ASB3: variants seen among roughly 807,000 people sequenced by gnomAD.
ASB3 encodes the protein ankyrin repeat and SOCS box containing 3, also known as ankyrin repeat and SOCS box protein 3.
A neutral mutation model predicts 54.5 loss-of-function variants in ASB3; 41 were observed. The ratio of observed to expected loss-of-function variants is 0.75; its 90% CI spans 0.59 to 0.98. The LOEUF is 0.98. ASB3 is among the 50% of genes least tolerant of loss of function. The pLI is 0.00. For synonymous variants in ASB3, 266 were observed against 221.2 expected, an observed-to-expected ratio of 1.20 and a Z score of -1.80; for missense variants, 733 against 620.0, an observed-to-expected ratio of 1.18 and a Z score of -1.94.
chr2:53,729,048 T>C (rs796920655), intron 4 of ASB3, among the ~76,000 whole-genome samples: 1 of 152,066 alleles, frequency 6.6e-6, no homozygotes, highest in East Asian at 1.9e-4. Context: ...GTTAACCCAA[T>C]AAATGTAAAC....
chr2:53,762,848 A>T (rs1179592920), intron 2 of ASB3, among the ~76,000 whole-genome samples: 1 of 152,242 alleles, frequency 6.6e-6, no homozygotes, highest in Non-Finnish European at 1.5e-5. Flanking sequence ...CTTCTATGTA[A>T]TCTACACCAC....
intron 3 of ASB3, among the ~76,000 whole-genome samples, chr2:53,744,057 A>G (rs1381427985): frequency 6.6e-6 from 1 of 151,232 alleles, no homozygotes; most frequent in Admixed American, 6.6e-5. Context: ...AAAAAAAAAA[A>G]AGTAATTAAA....
chr2:53,727,898 G>A (rs1022808999), intron 5 of ASB3, among the ~76,000 whole-genome samples: 1 of 152,026 alleles, frequency 6.6e-6, no homozygotes, highest in Non-Finnish European at 1.5e-5. Context: ...GCTAATTTTT[G>A]TATTTTCAGT....
intron 5 of ASB3, among the ~76,000 whole-genome samples, chr2:53,724,101 ATC>A (rs1670858866): frequency 6.6e-6 from 1 of 152,222 alleles, no homozygotes; most frequent in African/African-American, 2.4e-5. Context: ...GACCTAATTA[ATC>A]TCTTTAGATT....
intron 8 of ASB3, among the ~76,000 whole-genome samples, chr2:53,696,232 T>A (rs915389838): frequency 6.6e-6 from 1 of 152,240 alleles, no homozygotes; most frequent in Non-Finnish European, 1.5e-5. Context: ...GTAATTGGCA[T>A]TCTGCATTCA....
At chr2:53,726,830 C>G (rs7573991) in intron 5 of ASB3, among the ~76,000 whole-genome samples, 81,654 of 151,618 alleles carry the variant, frequency 0.54, 22,263 homozygotes, top group East Asian at 0.62. Flanking sequence ...CCCAGTAGCT[C>G]GGACAGGTGC....
At position 53,693,884 on chromosome 2, in the gene ASB3, C is replaced by G. The variant is rs746029484; in HGVS notation, c.1369G>C (p.Ala457Pro). The G allele has an allele frequency of 2.5e-6, 4 of 1,612,086 alleles. No homozygotes were observed. The South Asian group carries it at 4.4e-5, about 18-fold the overall frequency. ...GTGTTTAAAAGTTATTCTTTCTTAC[C>G]AATATGTTGCTGTAGAATCCAAGCG... The part of the protein sequence containing the change: ...SNAWILQQHI[A>P]TVPSLTHLCR... Residue 457 changes from alanine to proline, a missense_variant and splice_region_variant, in exon 9 of 10, where the codon GCC becomes CCC. Transcript: ENST00000263634.
chr2:53,707,986 GAAAGA>G (rs1339297561), intron 7 of ASB3, among the ~76,000 whole-genome samples: 11 of 149,736 alleles, frequency 7.3e-5, no homozygotes, highest in African/African-American at 2.7e-4. Flanking sequence ...AAGAAAGAAA[GAAAGA>G]AAAGAAAAGA....
At chr2:53,738,499 G>A (rs1425931913) in intron 3 of ASB3, among the ~76,000 whole-genome samples, 2 of 152,132 alleles carry the variant, frequency 1.3e-5, no homozygotes, top group Non-Finnish European at 2.9e-5. Context: ...CAAACTTCAA[G>A]TGTTCAAGAG....
chr2:53,786,702 G>C (rs574369743), intron 1 of ASB3, 119 bp downstream of exon 1: 1 of 154,616 alleles, frequency 6.5e-6, no homozygotes, highest in African/African-American at 2.4e-5. Flanking sequence ...ACCCGCACCC[G>C]CACGGTTCAC....
chr2:53,773,475 G>A (rs931339119), intron 1 of ASB3, among the ~76,000 whole-genome samples: 3 of 151,970 alleles, frequency 2.0e-5, no homozygotes, highest in African/African-American at 4.8e-5. Flanking sequence ...CTATAACCCA[G>A]GCTTGAGTTC....
chr2:53,680,677 G>C (rs1437696568), intron 9 of ASB3, among the ~76,000 whole-genome samples: 1 of 152,064 alleles, frequency 6.6e-6, no homozygotes, highest in Non-Finnish European at 1.5e-5. Flanking sequence ...ATCATATCAG[G>C]GTAAATGGGG....
intron 2 of ASB3, among the ~76,000 whole-genome samples, chr2:53,758,756 G>A (rs951512507): frequency 6.6e-6 from 1 of 152,296 alleles, no homozygotes; most frequent in African/African-American, 2.4e-5. Context: ...CACAGAGGAC[G>A]CTCTAGTCCT....
intron 9 of ASB3, among the ~76,000 whole-genome samples, chr2:53,678,093 G>A (rs1668177854): frequency 1.3e-5 from 2 of 151,970 alleles, no homozygotes; most frequent in Non-Finnish European, 2.9e-5. Flanking sequence ...GATTACTACA[G>A]TCAAACAAAC....
intron 1 of ASB3, among the ~76,000 whole-genome samples, chr2:53,779,845 A>C (rs1674547466): frequency 6.6e-6 from 1 of 152,234 alleles, no homozygotes; most frequent in Non-Finnish European, 1.5e-5. Context: ...GGGTGCTGCC[A>C]AATTCATTAA....
At chr2:53,740,907 TC>T (rs1671898787) in intron 3 of ASB3, among the ~76,000 whole-genome samples, 1 of 152,152 alleles carries the variant, frequency 6.6e-6, no homozygotes, top group Admixed American at 6.5e-5. Flanking sequence ...TCCGTATGTC[TC>T]CCCAGCAGCA....
chr2:53,700,666 T>C (rs1558524977), intron 7 of ASB3, 138 bp from the exon 8 acceptor site: 2 of 1,252,246 alleles, frequency 1.6e-6, no homozygotes, highest in African/African-American at 1.5e-5. Context: ...ACACATCTAG[T>C]GGATTGAGAT....
At chr2:53,703,762 T>C (rs555588620) in intron 7 of ASB3, among the ~76,000 whole-genome samples, 1 of 152,154 alleles carries the variant, frequency 6.6e-6, no homozygotes, top group African/African-American at 2.4e-5. Flanking sequence ...TTCAGAGAAA[T>C]ACTAGAAAAT....
At chr2:53,702,886 T>G (rs1469026326) in intron 7 of ASB3, among the ~76,000 whole-genome samples, 1 of 152,208 alleles carries the variant, frequency 6.6e-6, no homozygotes, top group African/African-American at 2.4e-5. Context: ...ACCAACTTAT[T>G]AGGTGAATTA....
Sources: allele counts gnomAD v4.1 joint callset (sites outside exome capture counted in the v4.1 genomes callset), GRCh38; gene constraint gnomAD v4.1.1; transcripts MANE v1.5; gene names NCBI Gene and HGNC (gene_info 2026-07-23, HGNC 2026-07-21).